PDZD2: variants seen among roughly 807,000 people sequenced by gnomAD.
PDZD2 encodes the protein PDZ domain containing 2.
Under a neutral mutation model 220.7 loss-of-function variants are expected in PDZD2, and 90 were observed. The ratio of observed to expected loss-of-function variants is 0.41; its 90% confidence interval spans 0.34 to 0.49. PDZD2 has a LOEUF of 0.49. Ranked by LOEUF, PDZD2 falls within the 20% of genes least tolerant of loss-of-function variation. The probability of loss-of-function intolerance (pLI) is 0.28; values close to 1 mark genes in which losing one functional copy is unlikely to be tolerated. For synonymous variants in PDZD2, 1,375 were observed against 1,450.5 expected, an observed-to-expected ratio of 0.95 and a Z score of 1.18; for missense variants, 3,174 against 3,608.5, an observed-to-expected ratio of 0.88 and a Z score of 3.08.
chr5:31,735,354 G>C (rs375732381), intron 1 of PDZD2, among the ~76,000 whole-genome samples: 1 of 152,160 alleles, frequency 6.6e-6, no homozygotes, highest in Admixed American at 6.6e-5. Context: ...CTATTCTCCT[G>C]GTAGTTGGAT....
intron 2 of PDZD2, among the ~76,000 whole-genome samples, chr5:31,890,017 T>G (rs1194377435): frequency 6.6e-6 from 1 of 151,324 alleles, no homozygotes; most frequent in East Asian, 1.9e-4. Context: ...AGTGAGACAC[T>G]GTCCCCCCTC....
intron 1 of PDZD2, among the ~76,000 whole-genome samples, chr5:31,775,010 G>C (rs1278474381): frequency 6.6e-6 from 1 of 152,162 alleles, no homozygotes; most frequent in African/African-American, 2.4e-5. Context: ...ATGTCAACCA[G>C]CTTGCAAACT....
chr5:31,868,035 G>T (rs1162431924), intron 2 of PDZD2, among the ~76,000 whole-genome samples: 1 of 152,130 alleles, frequency 6.6e-6, no homozygotes, highest in Non-Finnish European at 1.5e-5. Context: ...GCAGATCTGG[G>T]CCTGAGGCTC....
rs184748282 is a variant in PDZD2 at position 31,856,634 on chromosome 5, G to C, written c.476+56910G>C. ...AATTTCCCAGCGGCGCACCTGGCAC[G>C]TAGTAGCGCTTCCCTTGAGCCTCTG... On this transcript the variant is annotated intron_variant, in intron 2 of 24. Transcript: ENST00000438447. Among the ~76,000 whole-genome samples, 66 of 152,230 alleles carry C rather than the reference G, an allele frequency of 4.3e-4. No individual in the cohort carries two copies. In the East Asian group the frequency reaches 0.012, roughly 28 times the overall value.
At chr5:31,930,115 G>A (rs1409863337) in intron 2 of PDZD2, among the ~76,000 whole-genome samples, 1 of 151,842 alleles carries the variant, frequency 6.6e-6, no homozygotes, top group Non-Finnish European at 1.5e-5. Flanking sequence ...GCAGGTACAG[G>A]TACCATGCTT....
At chr5:32,019,121 G>T (rs189037103) in intron 6 of PDZD2, among the ~76,000 whole-genome samples, 1 of 144,274 alleles carries the variant, frequency 6.9e-6, no homozygotes, top group African/African-American at 2.5e-5. Flanking sequence ...AACAGCTCAT[G>T]TCATTTGCAT....
intron 8 of PDZD2, among the ~76,000 whole-genome samples, chr5:32,052,210 A>G (rs950747982): frequency 3.9e-5 from 6 of 152,206 alleles, no homozygotes; most frequent in Admixed American, 2.0e-4. Context: ...CAGTGGCACA[A>G]TCTCTGCTCA....
chr5:31,858,116 G>A (rs1027259328), intron 2 of PDZD2, among the ~76,000 whole-genome samples: 1 of 151,956 alleles, frequency 6.6e-6, no homozygotes, highest in African/African-American at 2.4e-5. Flanking sequence ...GTGAGCCACC[G>A]CACCTGGCCT....
intron 2 of PDZD2, among the ~76,000 whole-genome samples, chr5:31,882,437 C>G (rs1052655036): frequency 6.6e-6 from 1 of 152,112 alleles, no homozygotes; most frequent in Non-Finnish European, 1.5e-5. Flanking sequence ...TAATTAGAAG[C>G]CTGGACAGTT....
At chr5:31,996,874 G>C (rs1751680060) in intron 4 of PDZD2, among the ~76,000 whole-genome samples, 1 of 152,134 alleles carries the variant, frequency 6.6e-6, no homozygotes, top group African/African-American at 2.4e-5. Flanking sequence ...CAGAGCAAGA[G>C]ACTCTGTCTC....
chr5:31,699,783 T>TTG (rs1299583449), intron 1 of PDZD2, among the ~76,000 whole-genome samples: 1 of 141,814 alleles, frequency 7.1e-6, no homozygotes, highest in South Asian at 2.3e-4. Context: ...TTTTGTTTGT[T>TTG]TTTTTTTTGT....
At chr5:32,066,635 A>T (rs1350926274) in intron 14 of PDZD2, among the ~76,000 whole-genome samples, 4 of 152,178 alleles carry the variant, frequency 2.6e-5, no homozygotes, top group Admixed American at 2.6e-4. Flanking sequence ...GCCCTAATTC[A>T]TCCGTCAGCA....
intron 2 of PDZD2, among the ~76,000 whole-genome samples, chr5:31,959,348 C>T (rs1748010458): frequency 6.6e-6 from 1 of 150,898 alleles, no homozygotes; most frequent in African/African-American, 2.4e-5. Context: ...TGTACAAGAC[C>T]ACTTATTGTG....
chr5:31,954,961 A>G (rs1349164874), intron 2 of PDZD2, among the ~76,000 whole-genome samples: 1 of 152,040 alleles, frequency 6.6e-6, no homozygotes, highest in East Asian at 1.9e-4. Flanking sequence ...CTAGGGAACA[A>G]TTTGAGAAAG....
intron 2 of PDZD2, among the ~76,000 whole-genome samples, chr5:31,940,857 A>C (rs1350013686): frequency 6.6e-6 from 1 of 152,230 alleles, no homozygotes; most frequent in Non-Finnish European, 1.5e-5. Flanking sequence ...TGAAGGGCAG[A>C]TAAATGTTCT....
intron 2 of PDZD2, chr5:31,840,510 G>A (rs1478553841): frequency 8.2e-6 from 4 of 486,702 alleles, no homozygotes; most frequent in Non-Finnish European, 1.5e-5. Context: ...TGAATTCATA[G>A]GGAATGGGTT....
intron 14 of PDZD2, among the ~76,000 whole-genome samples, chr5:32,064,148 C>T (rs1489409543): frequency 6.6e-6 from 1 of 152,114 alleles, no homozygotes; most frequent in Non-Finnish European, 1.5e-5. Flanking sequence ...TGAAGCTAAC[C>T]ATAGGACACT....
intron 1 of PDZD2, chr5:31,657,427 A>G (rs1161224107): frequency 2.0e-5 from 3 of 152,118 alleles, no homozygotes; most frequent in African/African-American, 7.2e-5. Flanking sequence ...CCTGTTCAAC[A>G]TTTTTATCAA....
intron 2 of PDZD2, among the ~76,000 whole-genome samples, chr5:31,840,114 G>A (rs1757173014): frequency 6.6e-6 from 1 of 151,934 alleles, no homozygotes; most frequent in African/African-American, 2.4e-5. Flanking sequence ...TGTACTCCCA[G>A]CTACTCAGAA....
Sources: gnomAD v4.1 joint callset for allele counts (sites outside exome capture counted in the v4.1 genomes callset) on GRCh38, gnomAD v4.1.1 for gene constraint, MANE v1.5 for transcripts, NCBI Gene and HGNC (gene_info 2026-07-23, HGNC 2026-07-21) for gene names.